Variants in HIP1 observed in about 807,000 individuals in gnomAD.
HIP1 encodes the protein huntingtin interacting protein 1.
HIP1 carries 65 observed loss-of-function variants against 147.6 expected under a neutral mutation model. The observed-to-expected ratio is 0.44, with a 90% CI of 0.36 to 0.54. HIP1 has a LOEUF of 0.54. HIP1 is among the 20% of genes least tolerant of loss of function. The pLI is 0.00. For missense variants in HIP1, 1,061 were observed against 1,299.6 expected, an observed-to-expected ratio of 0.82 and a Z score of 2.82; for synonymous variants, 479 against 504.0, an observed-to-expected ratio of 0.95 and a Z score of 0.67.
intron 1 of HIP1, among the ~76,000 whole-genome samples, chr7:75,617,754 T>TC (rs1178900837): frequency 1.3e-5 from 2 of 152,096 alleles, no homozygotes; most frequent in African/African-American, 4.8e-5. Context: ...CGAAAGGGGC[T>TC]CCTCCCTTGT....
At chr7:75,573,159 T>A (rs587675207) in intron 8 of HIP1, among the ~76,000 whole-genome samples, 1 of 152,020 alleles carries the variant, frequency 6.6e-6, no homozygotes, top group East Asian at 1.9e-4. Context: ...CTGAGGCCCA[T>A]AAAAGGCCTG....
intron 1 of HIP1, among the ~76,000 whole-genome samples, chr7:75,711,549 G>A (rs1018239105): frequency 2.6e-5 from 4 of 152,128 alleles, no homozygotes; most frequent in Non-Finnish European, 5.9e-5. Flanking sequence ...AGAACTCCTA[G>A]GATAGTCCTA....
At chr7:75,585,306 T>C (rs1276671207) in intron 5 of HIP1, among the ~76,000 whole-genome samples, 1 of 151,670 alleles carries the variant, frequency 6.6e-6, no homozygotes, top group African/African-American at 2.4e-5. Flanking sequence ...TGCCTCAGCC[T>C]CCCGAGTAGC....
intron 4 of HIP1, among the ~76,000 whole-genome samples, chr7:75,589,738 T>G (rs1220993496): frequency 2.0e-5 from 3 of 150,368 alleles, no homozygotes; most frequent in Non-Finnish European, 4.4e-5. Flanking sequence ...GGGTTTTTTT[T>G]GTTTTTTTTT....
At chr7:75,662,308 C>T (rs113590558) in intron 1 of HIP1, among the ~76,000 whole-genome samples, 5 of 151,800 alleles carry the variant, frequency 3.3e-5, no homozygotes, top group Admixed American at 6.6e-5. Context: ...CCCAGCCTCC[C>T]GAGTAGCTGG....
chr7:75,626,935 A>G (rs1376328216), intron 1 of HIP1: 1 of 152,170 alleles, frequency 6.6e-6, no homozygotes, highest in Non-Finnish European at 1.5e-5. Context: ...AAGAACCTAC[A>G]CTAAATTGTT....
intron 2 of HIP1, among the ~76,000 whole-genome samples, chr7:75,595,192 C>CTT (rs1398535961): frequency 2.2e-4 from 8 of 35,890 alleles, no homozygotes; most frequent in African/African-American, 6.5e-4. Context: ...GGAGTCCTTT[C>CTT]TTTCTTTCTT....
intron 4 of HIP1, 48 bp downstream of exon 4, chr7:75,592,008 G>A: frequency 6.8e-7 from 1 of 1,459,860 alleles, no homozygotes; most frequent in Non-Finnish European, 9.6e-7. Context: ...TGGCCTCTGA[G>A]GAAGGAAAGG....
chr7:75,559,149 C>T (rs1204151838), intron 14 of HIP1, among the ~76,000 whole-genome samples: 1 of 152,204 alleles, frequency 6.6e-6, no homozygotes, highest in Non-Finnish European at 1.5e-5. Context: ...AGACAAGGCT[C>T]TCTGTTGCAG....
At chr7:75,699,253 T>C (rs1436484551) in intron 1 of HIP1, among the ~76,000 whole-genome samples, 1 of 152,150 alleles carries the variant, frequency 6.6e-6, no homozygotes, top group African/African-American at 2.4e-5. Context: ...CTTACAAAGA[T>C]ATTTTCTGGT....
intron 7 of HIP1, among the ~76,000 whole-genome samples, chr7:75,574,383 G>A (rs922237125): frequency 2.0e-4 from 30 of 151,214 alleles, no homozygotes; most frequent in African/African-American, 6.3e-4. Flanking sequence ...GAGGTCAGGA[G>A]TTCGAGACCA....
At chr7:75,624,561 T>C (rs965518961) in intron 1 of HIP1, among the ~76,000 whole-genome samples, 3 of 152,142 alleles carry the variant, frequency 2.0e-5, no homozygotes, top group African/African-American at 7.2e-5. Flanking sequence ...GGTCTCCTGG[T>C]GGCCACAACG....
At chr7:75,642,005 C>T (rs746332442) in intron 1 of HIP1, among the ~76,000 whole-genome samples, 24 of 152,264 alleles carry the variant, frequency 1.6e-4, no homozygotes, top group Non-Finnish European at 2.8e-4. Flanking sequence ...ATAAGACTTT[C>T]GACAACAGCC....
intron 23 of HIP1, among the ~76,000 whole-genome samples, chr7:75,548,478 A>G (rs587653327): frequency 1.4e-5 from 2 of 145,962 alleles, no homozygotes; most frequent in African/African-American, 2.5e-5. Flanking sequence ...TTTTTTTTTT[A>G]TAATTTAAAA....
At chr7:75,591,732 A>AT (rs1796507562) in intron 4 of HIP1, among the ~76,000 whole-genome samples, 1 of 151,950 alleles carries the variant, frequency 6.6e-6, no homozygotes, top group East Asian at 1.9e-4. Context: ...CAAAAAAAAA[A>AT]AAAAAAAAGC....
chr7:75,684,447 C>CAAAA (rs59055803), intron 1 of HIP1, among the ~76,000 whole-genome samples: 2 of 43,826 alleles, frequency 4.6e-5, no homozygotes, highest in Non-Finnish European at 9.8e-5. Flanking sequence ...GACTCCGTCT[C>CAAAA]AAAAAAAAAA....
chr7:75,697,640 C>T (rs1261673023), intron 1 of HIP1, among the ~76,000 whole-genome samples: 1 of 151,994 alleles, frequency 6.6e-6, no homozygotes. Flanking sequence ...TAGTAAAACC[C>T]ATCTCTACTA....
At chr7:75,563,528 T>C (rs1356622374) in intron 9 of HIP1, 2 of 500,326 alleles carry the variant, frequency 4.0e-6, no homozygotes, top group Admixed American at 7.2e-5. Flanking sequence ...ATTTCTTCAT[T>C]GCTGTAGAAC....
intron 1 of HIP1, among the ~76,000 whole-genome samples, chr7:75,654,994 TG>T (rs1371960177): frequency 1.3e-5 from 2 of 152,080 alleles, no homozygotes; most frequent in Non-Finnish European, 2.9e-5. Flanking sequence ...ACAACAATGA[TG>T]ACAAAAGTTA....
Sources: allele counts gnomAD v4.1 joint callset (sites outside exome capture counted in the v4.1 genomes callset), GRCh38; gene constraint gnomAD v4.1.1; transcripts MANE v1.5; gene names NCBI Gene and HGNC (gene_info 2026-07-23, HGNC 2026-07-21).